PTK2: variants seen among roughly 807,000 people sequenced by gnomAD.
PTK2 encodes protein tyrosine kinase 2.
In PTK2, 45 loss-of-function variants were observed where a neutral mutation model predicts 150.1. That is an observed-to-expected ratio of 0.30 (90% CI 0.24 to 0.38). PTK2 has a LOEUF of 0.38. PTK2 is among the 10% of genes least tolerant of loss of function. PTK2 has a pLI of 1.00. For missense variants in PTK2, 919 were observed against 1,307.3 expected (o/e 0.70, Z 4.58); for synonymous variants, 432 against 449.2 (o/e 0.96, Z 0.48).
intron 1 of PTK2, among the ~76,000 whole-genome samples, chr8:140,952,888 T>C (rs1055156101): frequency 1.3e-5 from 2 of 152,166 alleles, no homozygotes; most frequent in Admixed American, 6.5e-5. Context: ...AGTAATATAA[T>C]CTCTCTAGGG....
At chr8:140,812,867 C>G (rs537428932) in intron 10 of PTK2, among the ~76,000 whole-genome samples, 1 of 152,142 alleles carries the variant, frequency 6.6e-6, no homozygotes, top group Non-Finnish European at 1.5e-5. Flanking sequence ...AACAGCAGCA[C>G]TCATTATTAA....
chr8:140,659,628 G>T, exon 32 of PTK2: 1 of 1,614,198 alleles, frequency 6.2e-7, no homozygotes, highest in Non-Finnish European at 8.5e-7. Context: ...GTTTCATCTT[G>T]TTGATGAGCT....
intron 29 of PTK2, among the ~76,000 whole-genome samples, chr8:140,671,939 C>A (rs1218924480): frequency 9.8e-6 from 1 of 101,588 alleles, no homozygotes; most frequent in Non-Finnish European, 1.9e-5. Context: ...CTCAGGGGGG[C>A]GGGGGGCGGG....
At chr8:140,887,599 C>A (rs1324608798) in intron 3 of PTK2, among the ~76,000 whole-genome samples, 1 of 152,100 alleles carries the variant, frequency 6.6e-6, no homozygotes, top group Non-Finnish European at 1.5e-5. Flanking sequence ...CTGAACCAAG[C>A]AGTCTTTCTG....
chr8:140,838,586 C>A (rs951882010), intron 7 of PTK2, among the ~76,000 whole-genome samples: 1 of 152,174 alleles, frequency 6.6e-6, no homozygotes, highest in African/African-American at 2.4e-5. Flanking sequence ...AATCTCAGCA[C>A]ATTGGGAGGC....
intron 2 of PTK2, among the ~76,000 whole-genome samples, chr8:140,893,375 T>C (rs1316904940): frequency 6.6e-6 from 1 of 152,096 alleles, no homozygotes; most frequent in Non-Finnish European, 1.5e-5. Flanking sequence ...TACCGAAAAG[T>C]GATAATAACC....
intron 26 of PTK2, among the ~76,000 whole-genome samples, chr8:140,699,199 T>C (rs2100028737): frequency 6.6e-6 from 1 of 152,124 alleles, no homozygotes; most frequent in African/African-American, 2.4e-5. Context: ...TTAGTGTCAG[T>C]GAATGTTTAA....
chr8:140,728,886 A>G (rs954360001), intron 22 of PTK2, among the ~76,000 whole-genome samples: 1 of 152,280 alleles, frequency 6.6e-6, no homozygotes, highest in South Asian at 2.1e-4. Context: ...AGGGAGGCTT[A>G]GTAACTTGCC....
chr8:140,744,487 A>T (rs2100057556), intron 19 of PTK2, among the ~76,000 whole-genome samples, 165 bp downstream of exon 22: 1 of 152,222 alleles, frequency 6.6e-6, no homozygotes, highest in Non-Finnish European at 1.5e-5. Flanking sequence ...AACTGTGTAC[A>T]ATAGATTCCA....
At chr8:140,788,924 C>T (rs954505433) in intron 14 of PTK2, among the ~76,000 whole-genome samples, 4 of 152,052 alleles carry the variant, frequency 2.6e-5, no homozygotes, top group Admixed American at 2.0e-4. Context: ...TCCTTTATTT[C>T]CCACATTTTT....
intron 1 of PTK2, among the ~76,000 whole-genome samples, chr8:140,981,443 C>A (rs925727395): frequency 1.3e-5 from 2 of 152,144 alleles, no homozygotes; most frequent in African/African-American, 4.8e-5. Flanking sequence ...GGAACACACA[C>A]TGGCCTTTCA....
intron 5 of PTK2, among the ~76,000 whole-genome samples, chr8:140,850,451 C>T (rs1472330168): frequency 6.7e-6 from 1 of 149,682 alleles, no homozygotes; most frequent in East Asian, 2.0e-4. Flanking sequence ...ACGGGCCAGG[C>T]GCGGTGGCTT....
intron 28 of PTK2, 68 bp from the exon 32 acceptor site, chr8:140,674,472 G>C: frequency 1.5e-6 from 2 of 1,377,082 alleles, no homozygotes; most frequent in Non-Finnish European, 2.0e-6. Flanking sequence ...GGGGGCAGTG[G>C]CTCATGCCTA....
intron 4 of PTK2, among the ~76,000 whole-genome samples, chr8:140,866,491 G>A (rs2100139377): frequency 6.6e-6 from 1 of 152,290 alleles, no homozygotes; most frequent in East Asian, 1.9e-4. Context: ...TCTAGATAAA[G>A]ATCACCTATG....
intron 4 of PTK2, among the ~76,000 whole-genome samples, chr8:140,875,419 A>G (rs1233647300): frequency 6.6e-6 from 1 of 152,206 alleles, no homozygotes; most frequent in African/African-American, 2.4e-5. Flanking sequence ...AAAATATATT[A>G]AAGAATTTAA....
chr8:140,786,996 G>C (rs1340692132), intron 14 of PTK2, among the ~76,000 whole-genome samples: 1 of 152,114 alleles, frequency 6.6e-6, no homozygotes, highest in Non-Finnish European at 1.5e-5. Flanking sequence ...GAAGACTGGA[G>C]AAGTGGGTGG....
intron 14 of PTK2, among the ~76,000 whole-genome samples, chr8:140,776,014 T>C (rs534061424): frequency 1.3e-5 from 2 of 152,332 alleles, no homozygotes; most frequent in African/African-American, 4.8e-5. Flanking sequence ...TTATTATTAT[T>C]ATTCTCATTG....
chr8:140,994,440 C>T (rs1239405863), intron 1 of PTK2, among the ~76,000 whole-genome samples: 1 of 152,252 alleles, frequency 6.6e-6, no homozygotes, highest in African/African-American at 2.4e-5. Flanking sequence ...CTCTGTGCTA[C>T]ATTTTGGTAA....
intron 10 of PTK2, among the ~76,000 whole-genome samples, chr8:140,808,488 T>C (rs1055895099): frequency 3.1e-4 from 47 of 152,174 alleles, no homozygotes; most frequent in Non-Finnish European, 4.3e-4. Context: ...AAGGAAAACA[T>C]ATATTTTCAA....
Sources: allele counts gnomAD v4.1 joint callset (sites outside exome capture counted in the v4.1 genomes callset), GRCh38; gene constraint gnomAD v4.1.1; transcripts MANE v1.5; gene names NCBI Gene and HGNC (gene_info 2026-07-23, HGNC 2026-07-21).